Variants in DSG2 observed in about 807,000 individuals in gnomAD.
DSG2 encodes desmoglein-2.
In DSG2, 45 loss-of-function variants were observed where a neutral mutation model predicts 75.6. That is an observed-to-expected ratio of 0.60 (90% confidence interval 0.47 to 0.76). The LOEUF (loss-of-function observed/expected upper bound fraction) is 0.76, where lower values mean the gene tolerates loss of function less well. Among genes scored for constraint, DSG2 ranks in the 30% least tolerant of loss-of-function variants. The probability of loss-of-function intolerance (pLI) is 0.00; values close to 1 mark genes in which losing one functional copy is unlikely to be tolerated. For missense variants in DSG2, 1,267 were observed against 1,357.4 expected (o/e 0.93, Z 1.05); for synonymous variants, 429 against 483.9 (o/e 0.89, Z 1.49).
chr18:31,526,465 A>G (rs574256278), intron 8 of DSG2, among the ~76,000 whole-genome samples: 79 of 152,362 alleles, frequency 5.2e-4, no homozygotes, highest in African/African-American at 1.8e-3. Flanking sequence ...CTACCTTTTT[A>G]AAAGCAGAGT....
In DSG2 at chr18:31,546,035, C is replaced by T; in HGVS notation, c.2649C>T (p.Ser883=). ...TGGTTAATTCAGAGAATACCTACTC[C>T]TCTGGCAGTAGCTTCCCAGTTCCAA... ...QTMVNSENTY[S]SGSSFPVPKS... The change falls in exon 15 of 15, where the codon TCC becomes TCT. Residue 883 remains serine (S), a synonymous_variant. Coordinates refer to ENST00000261590, the MANE Select transcript of DSG2 (RefSeq NM_001943.5). 1 of 1,614,178 alleles carries T rather than the reference C, an allele frequency of 6.2e-7. No individual in the cohort carries two copies. Among genetic ancestry groups the T allele is most frequent in the South Asian group, 1.1e-5 (1 of 91,086 alleles).
intron 1 of DSG2, among the ~76,000 whole-genome samples, chr18:31,498,807 A>C (rs2072998612): frequency 6.6e-6 from 1 of 152,222 alleles, no homozygotes; most frequent in Non-Finnish European, 1.5e-5. Context: ...AAGTTGGCTA[A>C]AAATTTTTTA....
At chr18:31,542,321 C>T (rs1598823704) in intron 13 of DSG2, 199 bp from the exon 14 acceptor site, 3 of 637,310 alleles carry the variant, frequency 4.7e-6, no homozygotes, top group African/African-American at 1.8e-5. Flanking sequence ...GTTCTATCCA[C>T]CTATAAAACA....
intron 14 of DSG2, 63 bp downstream of exon 14, chr18:31,542,915 T>G: frequency 3.9e-5 from 39 of 1,009,554 alleles, no homozygotes; most frequent in Non-Finnish European, 4.8e-5. Flanking sequence ...GTGAATGTGA[T>G]ATTATTAGGG....
intron 10 of DSG2, 100 bp from the exon 11 acceptor site, chr18:31,536,102 T>C (rs2073228333): frequency 1.8e-6 from 2 of 1,082,220 alleles, no homozygotes; most frequent in Non-Finnish European, 1.4e-6. Flanking sequence ...TCCTAAGTGG[T>C]TAGTACCTTC....
At chr18:31,519,776 A>T (rs752328205) in intron 2 of DSG2, 27 bp from the exon 3 acceptor site, 1 of 1,609,080 alleles carries the variant, frequency 6.2e-7, no homozygotes, top group Non-Finnish European at 8.5e-7. Flanking sequence ...ACACATAATA[A>T]ATTTTGGCAA....
chr18:31,525,445 A>C (rs2144324240), intron 8 of DSG2, among the ~76,000 whole-genome samples: 1 of 152,068 alleles, frequency 6.6e-6, no homozygotes, highest in South Asian at 2.1e-4. Context: ...CTTGAACCCA[A>C]GAGGCGGAGG....
intron 14 of DSG2, 66 bp from the exon 15 acceptor site, chr18:31,545,655 T>A: frequency 3.2e-6 from 5 of 1,567,112 alleles, no homozygotes; most frequent in Non-Finnish European, 4.3e-6. Context: ...AGTCTTGTTT[T>A]AAAATGAATT....
chr18:31,504,440 TATC>T (rs778814470), intron 1 of DSG2, among the ~76,000 whole-genome samples: 16 of 152,196 alleles, frequency 1.1e-4, no homozygotes, highest in Non-Finnish European at 1.6e-4. Flanking sequence ...CCATTAATCA[TATC>T]ATTTCTTGTT....
intron 1 of DSG2, among the ~76,000 whole-genome samples, chr18:31,499,003 C>T (rs1407536804): frequency 6.6e-6 from 1 of 151,956 alleles, no homozygotes; most frequent in Non-Finnish European, 1.5e-5. Flanking sequence ...CTCCCCCACG[C>T]CCCACCCCTC....
At chr18:31,511,960 A>G (rs2073069707) in intron 1 of DSG2, among the ~76,000 whole-genome samples, 1 of 152,168 alleles carries the variant, frequency 6.6e-6, no homozygotes, top group African/African-American at 2.4e-5. Context: ...GATGCTCAGC[A>G]ATTTAATACC....
At chr18:31,506,201 C>A (rs533590822) in intron 1 of DSG2, among the ~76,000 whole-genome samples, 3 of 152,278 alleles carry the variant, frequency 2.0e-5, no homozygotes, top group African/African-American at 7.2e-5. Flanking sequence ...CACCAAATGC[C>A]TGTCTGTCAA....
chr18:31,522,976 A>G (rs2073137971), intron 6 of DSG2, among the ~76,000 whole-genome samples: 1 of 152,260 alleles, frequency 6.6e-6, no homozygotes, highest in Admixed American at 6.5e-5. Flanking sequence ...AAGGGGAGAT[A>G]GAAGATTTTT....
chr18:31,512,645 G>T (rs1206107662), intron 1 of DSG2, among the ~76,000 whole-genome samples: 1 of 152,190 alleles, frequency 6.6e-6, no homozygotes, highest in African/African-American at 2.4e-5. Flanking sequence ...GCCTATCCCT[G>T]TGACATCATC....
chr18:31,533,552 GC>G (rs1340004121), intron 9 of DSG2, among the ~76,000 whole-genome samples: 1 of 152,188 alleles, frequency 6.6e-6, no homozygotes, highest in Non-Finnish European at 1.5e-5. Context: ...ATGATGTCTA[GC>G]TTTTACAACA....
chr18:31,531,274 ATTTC>A (rs1567929070), intron 9 of DSG2, 22 bp downstream of exon 9: 1 of 1,612,914 alleles, frequency 6.2e-7, no homozygotes, highest in Non-Finnish European at 8.5e-7. Context: ...TGACACGTGT[ATTTC>A]TTTATTTTAA....
chr18:31,507,490 G>A (rs1441066582), intron 1 of DSG2, among the ~76,000 whole-genome samples: 1 of 152,188 alleles, frequency 6.6e-6, no homozygotes, highest in Non-Finnish European at 1.5e-5. Context: ...CTAGATCCTT[G>A]ATGAATCGCC....
At chr18:31,516,800 GC>G (rs1348287114) in intron 1 of DSG2, among the ~76,000 whole-genome samples, 1 of 152,206 alleles carries the variant, frequency 6.6e-6, no homozygotes, top group Non-Finnish European at 1.5e-5. Context: ...GGCAGGAATA[GC>G]AGTCATGAAA....
chr18:31,505,863 T>C (rs561344556), intron 1 of DSG2, among the ~76,000 whole-genome samples: 2 of 152,232 alleles, frequency 1.3e-5, no homozygotes, highest in African/African-American at 4.8e-5. Flanking sequence ...AGTTTCACCA[T>C]GTTGGCCAGA....
Sources: allele counts gnomAD v4.1 joint callset (sites outside exome capture counted in the v4.1 genomes callset), GRCh38; gene constraint gnomAD v4.1.1; transcripts MANE v1.5; gene names NCBI Gene and HGNC (gene_info 2026-07-23, HGNC 2026-07-21).